The following TBL1XR1 variants were observed in gnomAD, a reference collection of about 807,000 sequenced individuals.
TBL1XR1 encodes F-box-like/WD repeat-containing protein TBL1XR1.
In TBL1XR1, 5 loss-of-function variants were observed where a neutral mutation model predicts 66.9. The observed-to-expected ratio is 0.07, with a 90% CI of 0.04 to 0.16. The LOEUF is 0.16. Ranked by LOEUF, TBL1XR1 falls within the 10% of genes least tolerant of loss-of-function variation. The pLI, the probability that TBL1XR1 is intolerant of heterozygous loss-of-function variation, is 1.00. For missense variants in TBL1XR1, 238 were observed against 623.2 expected (o/e 0.38, Z 6.58); for synonymous variants, 210 against 206.0 (o/e 1.02, Z -0.17).
chr3:177,122,455 CTTAACA>C (rs1400629636), intron 1 of TBL1XR1, among the ~76,000 whole-genome samples: 1 of 152,038 alleles, frequency 6.6e-6, no homozygotes, highest in African/African-American at 2.4e-5. Context: ...ACCGAAATCC[CTTAACA>C]TTATCATGAG....
chr3:177,175,172 T>C (rs1283013385), intron 1 of TBL1XR1, among the ~76,000 whole-genome samples: 1 of 152,210 alleles, frequency 6.6e-6, no homozygotes, highest in Admixed American at 6.5e-5. Context: ...AGATTATAAA[T>C]GTGAATAACA....
At chr3:177,182,555 A>G (rs1734953746) in intron 1 of TBL1XR1, among the ~76,000 whole-genome samples, 1 of 152,196 alleles carries the variant, frequency 6.6e-6, no homozygotes, top group South Asian at 2.1e-4. Context: ...CATAGGATTC[A>G]ACTCAACAAT....
At chr3:177,201,427 A>C (rs1225510408), upstream of TBL1XR1, among the ~76,000 whole-genome samples, 1 of 151,788 alleles carries the variant, frequency 6.6e-6, no homozygotes, top group Non-Finnish European at 1.5e-5. Flanking sequence ...AAAAAAAAAA[A>C]AAAAAAAAAC....
At chr3:177,146,623 A>G (rs1478408086) in intron 1 of TBL1XR1, among the ~76,000 whole-genome samples, 41 of 147,404 alleles carry the variant, frequency 2.8e-4, no homozygotes, top group Non-Finnish European at 5.7e-4. Context: ...ATTCACTACT[A>G]CTTTTACCAA....
chr3:177,023,486 C>T lies in TBL1XR1; in HGVS notation c.*2012G>A, dbSNP rs1455533715. The T allele has an allele frequency of 6.6e-6, 1 of 152,372 alleles. No individual in the cohort carries two copies. Among genetic ancestry groups the T allele is most frequent in the African/African-American group, 2.4e-5 (1 of 41,366 alleles). 9.4% of individuals were successfully genotyped at this position (152,372 alleles called of 1,614,324 possible). On this transcript the variant is annotated 3_prime_UTR_variant, in exon 16 of 16. Transcript: ENST00000457928. ...TAAATATCTCTAATGTGATCCAAAA[C>T]CCTAAAAAGAGCTGGCACAAAACCA...
At chr3:177,134,776 C>T (rs1211798755) in intron 1 of TBL1XR1, among the ~76,000 whole-genome samples, 1 of 152,136 alleles carries the variant, frequency 6.6e-6, no homozygotes, top group Non-Finnish European at 1.5e-5. Flanking sequence ...CCCTGTATGG[C>T]AGTTATATCT....
Position 177,193,350 on chromosome 3 carries a change from G to A in TBL1XR1, c.-122+3771C>T, listed in dbSNP as rs193095663. ...TTTTGAGAGGGTGTCTCCCTCTATC[G>A]CCCAGGCTGGAGTGCAATGGCGCGA... On this transcript the variant is annotated intron_variant, in intron 1 of 15. Transcript: ENST00000457928. 4.9e-4 allele frequency among the ~76,000 whole-genome samples: 74 copies of A among 151,422 alleles called. 1 individual carries two copies. The highest frequency in any genetic ancestry group is 3.4e-3 in the Admixed American group (51 of 15,194).
chr3:177,025,912 T>TCC (rs1713052172), intron 15 of TBL1XR1: 2 of 279,084 alleles, frequency 7.2e-6, no homozygotes, highest in South Asian at 9.5e-5. Context: ...TTCTACAGCT[T>TCC]TGGAAGCCAT....
chr3:177,168,454 T>G (rs1157230150), intron 1 of TBL1XR1, among the ~76,000 whole-genome samples: 1 of 152,052 alleles, frequency 6.6e-6, no homozygotes. Context: ...GCTAATTTTT[T>G]TATTTTTAGT....
rs1733554480 is a variant in TBL1XR1, at chr3:177,171,828, T to C, written c.-122+25293A>G. ...TACCAGAAGAGTTTGGAGCAAATTG[T>C]TATGTCAGAAAGTAAGAAACTGCTT... On this transcript the variant is annotated intron_variant, in intron 1 of 15. Transcript: ENST00000457928. Among the ~76,000 whole-genome samples the C allele has an allele frequency of 2.0e-5, 3 of 151,742 alleles. No homozygotes were observed. In the South Asian group the frequency reaches 6.2e-4, roughly 32 times the overall value.
At chr3:177,061,086 T>C (rs1446257845) in intron 3 of TBL1XR1, among the ~76,000 whole-genome samples, 2 of 152,198 alleles carry the variant, frequency 1.3e-5, no homozygotes, top group Non-Finnish European at 2.9e-5. Flanking sequence ...AAAATAAAAG[T>C]TACAATAGTT....
chr3:177,152,511 T>G (rs1436498994), intron 1 of TBL1XR1, among the ~76,000 whole-genome samples: 2 of 152,190 alleles, frequency 1.3e-5, no homozygotes, highest in Non-Finnish European at 2.9e-5. Flanking sequence ...TGTCTTGAAC[T>G]GCTGACCTCG....
intron 1 of TBL1XR1, among the ~76,000 whole-genome samples, chr3:177,175,561 G>T (rs904864937): frequency 6.6e-6 from 1 of 152,126 alleles, no homozygotes; most frequent in Non-Finnish European, 1.5e-5. Flanking sequence ...TGTAATTTGG[G>T]TGAACACACT....
chr3:177,094,991 TAAAG>T (rs369357147), intron 2 of TBL1XR1, among the ~76,000 whole-genome samples: 23 of 148,784 alleles, frequency 1.5e-4, no homozygotes, highest in African/African-American at 5.7e-4. Flanking sequence ...AATAAAAAAA[TAAAG>T]AAAATGCGTT....
chr3:177,051,504 T>C lies in TBL1XR1; in HGVS notation c.427A>G (p.Asn143Asp), dbSNP rs1308972603. The C allele has an allele frequency of 6.3e-7, 1 of 1,586,430 alleles. No homozygotes were observed. Among genetic ancestry groups the C allele is most frequent in the Non-Finnish European group, 8.5e-7 (1 of 1,171,106 alleles). The change falls in exon 5 of 16, where the codon AAT becomes GAT. Residue 143 changes from asparagine (N) to aspartate (D), a missense_variant and splice_region_variant. Around this residue, in one of 8 missense-constraint regions of TBL1XR1, gnomAD observed 80 missense variants for 100.5 expected, o/e 0.80. Coordinates refer to ENST00000457928, the MANE Select transcript of TBL1XR1 (RefSeq NM_024665.7). ...GEENGAHTIA[N>D]NHTDMMEVDG... is the part of the protein sequence containing the mutation. ...AAAAAAAATTCTTGTCTGAGCTCAC[T>C]TGCTATAGTATGTGCTCCATTCTCC...
intron 14 of TBL1XR1, among the ~76,000 whole-genome samples, chr3:177,029,654 C>A (rs1447235917): frequency 6.6e-6 from 1 of 151,900 alleles, no homozygotes; most frequent in Non-Finnish European, 1.5e-5. Flanking sequence ...AAAAACCCCA[C>A]AAAACTTCTA....
At chr3:177,188,083 C>G (rs1309159811) in intron 1 of TBL1XR1, among the ~76,000 whole-genome samples, 1 of 151,690 alleles carries the variant, frequency 6.6e-6, no homozygotes, top group African/African-American at 2.4e-5. Context: ...AGGCACATGC[C>G]ACCACACCCG....
chr3:177,121,386 A>T (rs553900307), intron 1 of TBL1XR1, among the ~76,000 whole-genome samples: 14 of 152,320 alleles, frequency 9.2e-5, no homozygotes, highest in African/African-American at 3.4e-4. Context: ...ATTTAAAAAT[A>T]AAGTCCATTG....
At chr3:177,165,143 C>T (rs921030548) in intron 1 of TBL1XR1, among the ~76,000 whole-genome samples, 1 of 152,006 alleles carries the variant, frequency 6.6e-6, no homozygotes, top group East Asian at 1.9e-4. Flanking sequence ...ATTGTCTACA[C>T]AGAAAATCTG....
Sources: gnomAD v4.1 joint callset for allele counts (sites outside exome capture counted in the v4.1 genomes callset) on GRCh38, gnomAD v4.1.1 for gene constraint, gnomAD v4.1.1 regional missense constraint, MANE v1.5 for transcripts, NCBI Gene and HGNC (gene_info 2026-07-23, HGNC 2026-07-21) for gene names.